The following SGK3 variants were observed in gnomAD, a reference collection of about 807,000 sequenced individuals.
SGK3 encodes the protein serum/glucocorticoid regulated kinase family member 3.
A neutral mutation model predicts 68.5 loss-of-function variants in SGK3; 47 were observed. That is an observed-to-expected ratio of 0.69 (90% CI 0.54 to 0.87). SGK3 has a LOEUF of 0.87. SGK3 is among the 40% of genes least tolerant of loss of function. The pLI, the probability that SGK3 is intolerant of heterozygous loss-of-function variation, is 0.00. For synonymous variants in SGK3, 181 were observed against 189.1 expected, an observed-to-expected ratio of 0.96 and a Z score of 0.35; for missense variants, 479 against 575.5, an observed-to-expected ratio of 0.83 and a Z score of 1.72.
At chr8:66,766,250 T>G (rs1806313863) in intron 1 of SGK3, among the ~76,000 whole-genome samples, 1 of 152,020 alleles carries the variant, frequency 6.6e-6, no homozygotes, top group Non-Finnish European at 1.5e-5. Context: ...TGGCCGGGTG[T>G]GGTGGCTCAC....
At chr8:66,792,369 TC>T (rs1387502084) in intron 1 of SGK3, among the ~76,000 whole-genome samples, 1 of 151,836 alleles carries the variant, frequency 6.6e-6, no homozygotes, top group Admixed American at 6.6e-5. Context: ...TGACTGCATT[TC>T]CAGCAGCAAA....
At chr8:66,784,974 G>C (rs1267372982) in intron 1 of SGK3, among the ~76,000 whole-genome samples, 4 of 152,058 alleles carry the variant, frequency 2.6e-5, no homozygotes, top group African/African-American at 9.7e-5. Context: ...ATCGTGATGG[G>C]GCCAACACTC....
chr8:66,828,590 C>T (rs890437162), intron 6 of SGK3, 64 bp from the exon 7 acceptor site: 2 of 1,602,794 alleles, frequency 1.2e-6, no homozygotes, highest in Admixed American at 1.7e-5. Context: ...TACTTTATTT[C>T]AAAACATTAA....
At chr8:66,772,380 G>A (rs1411591128) in intron 1 of SGK3, among the ~76,000 whole-genome samples, 1 of 147,590 alleles carries the variant, frequency 6.8e-6, no homozygotes, top group Non-Finnish European at 1.5e-5. Context: ...GAGCCACTGT[G>A]CCCAGCAAGA....
chr8:66,726,716 G>A (rs964176887), intron 1 of SGK3, among the ~76,000 whole-genome samples: 3 of 150,016 alleles, frequency 2.0e-5, no homozygotes, highest in African/African-American at 7.4e-5. Context: ...CGGGAGGATC[G>A]CTTGAGCTCA....
rs1010447413 is a variant in SGK3 at position 66,723,229 on chromosome 8, T to C, written c.-122+10396T>C. 2.3e-3 allele frequency among the ~76,000 whole-genome samples: 334 copies of C among 144,120 alleles called. 1 individual carries two copies. Among genetic ancestry groups the C allele is most frequent in the African/African-American group, 8.2e-3 (320 of 39,048 alleles). 94.5% of individuals were successfully genotyped at this position (144,120 alleles called of 152,430 possible). A position where few individuals can be genotyped will look rare whatever the true frequency, so the allele number is the denominator to read the frequency against. Reference sequence around the variant, plus strand: ...GGGAGGCTGAGGCGGGTGGATCACCTGAGGTTGGGAGTTCGAGACCAGCCT... The same window carrying C: ...GGGAGGCTGAGGCGGGTGGATCACCCGAGGTTGGGAGTTCGAGACCAGCCT... On this transcript the variant is annotated intron_variant, in intron 1 of 16. Transcript: ENST00000521198.
At chr8:66,838,791 G>T (rs1181942618) in intron 10 of SGK3, among the ~76,000 whole-genome samples, 1 of 152,120 alleles carries the variant, frequency 6.6e-6, no homozygotes, top group Non-Finnish European at 1.5e-5. Context: ...GAAAGGATAG[G>T]AGTGTGGTTT....
intron 1 of SGK3, among the ~76,000 whole-genome samples, chr8:66,727,369 T>A (rs973760710): frequency 2.0e-5 from 3 of 152,256 alleles, no homozygotes; most frequent in Middle Eastern, 3.4e-3. Context: ...AGTGCTGGGA[T>A]TCTAGGCATG....
chr8:66,771,957 G>GGCA (rs1806523826), intron 1 of SGK3, among the ~76,000 whole-genome samples: 1 of 149,780 alleles, frequency 6.7e-6, no homozygotes, highest in African/African-American at 2.5e-5. Flanking sequence ...CAAAGCATTT[G>GGCA]GTTATCATGA....
At chr8:66,833,910 C>T (rs1422013026) in intron 8 of SGK3, among the ~76,000 whole-genome samples, 3 of 152,022 alleles carry the variant, frequency 2.0e-5, no homozygotes, top group Non-Finnish European at 4.4e-5. Context: ...AGGCTGGTCT[C>T]GAACTCCCGA....
intron 1 of SGK3, among the ~76,000 whole-genome samples, chr8:66,788,334 G>A (rs1224942848): frequency 1.3e-5 from 2 of 152,210 alleles, no homozygotes; most frequent in Non-Finnish European, 2.9e-5. Context: ...TTTTTACATA[G>A]TCTCTTGGTT....
rs1232587215 is a variant in SGK3, at chr8:66,861,994, T to C, written c.*2413T>C. 6.6e-6 allele frequency: 1 copy of C among 152,168 alleles called. No individual in the cohort carries two copies. The highest frequency in any genetic ancestry group is 2.4e-5 in the African/African-American group (1 of 41,454). The allele number at this position is 152,168 out of a possible 1,614,324, so 9.4% of individuals were successfully genotyped here. ...AGATCACAAGAAATACAAATCTATA[T>C]AGTATAATAAAATCAGCAAAAAGAT... is the stretch of plus-strand genomic sequence containing the variant. On this transcript the variant is annotated 3_prime_UTR_variant, in exon 17 of 17. Coordinates refer to ENST00000521198, the MANE Select transcript of SGK3 (RefSeq NM_001033578.3).
Position 66,861,585 on chromosome 8 carries a change from T to C in SGK3, c.*2004T>C, listed in dbSNP as rs994987111. 2 of 152,252 alleles carry C rather than the reference T, an allele frequency of 1.3e-5. No individual in the cohort carries two copies. Among genetic ancestry groups the C allele is most frequent in the Non-Finnish European group, 2.9e-5 (2 of 68,046 alleles). The allele number at this position is 152,252 out of a possible 1,614,324, so 9.4% of individuals were successfully genotyped here. The stretch of plus-strand genomic sequence containing the variant: ...TTTGTAAAAGTTTAATGACCCACTT[T>C]AGATGCTCCAAGAACAAGCATCCCT... On this transcript the variant is annotated 3_prime_UTR_variant, in exon 17 of 17. Coordinates refer to ENST00000521198, the MANE Select transcript of SGK3 (RefSeq NM_001033578.3).
At chr8:66,835,580 C>T (rs951644938) in intron 8 of SGK3, among the ~76,000 whole-genome samples, 183 bp from the exon 9 acceptor site, 4 of 152,020 alleles carry the variant, frequency 2.6e-5, no homozygotes, top group African/African-American at 9.7e-5. Context: ...TCTCAAATAT[C>T]AACACATTAA....
chr8:66,800,258 G>A (rs761955092), intron 3 of SGK3, among the ~76,000 whole-genome samples: 54 of 151,008 alleles, frequency 3.6e-4, no homozygotes, highest in African/African-American at 1.1e-3. Flanking sequence ...GGAGAATGGC[G>A]TGAACCCGGG....
At chr8:66,855,533 C>T (rs917733442) in intron 16 of SGK3, among the ~76,000 whole-genome samples, 1 of 152,050 alleles carries the variant, frequency 6.6e-6, no homozygotes, top group African/African-American at 2.4e-5. Flanking sequence ...TATGTGCTGC[C>T]GAAGTGAGCA....
chr8:66,825,040 G>A (rs529652032), intron 6 of SGK3, among the ~76,000 whole-genome samples: 1 of 152,040 alleles, frequency 6.6e-6, no homozygotes, highest in South Asian at 2.1e-4. Flanking sequence ...TCCATGTTTT[G>A]CTTGCTACTC....
intron 1 of SGK3, among the ~76,000 whole-genome samples, chr8:66,755,157 G>A (rs1389255736): frequency 6.6e-6 from 1 of 151,678 alleles, no homozygotes; most frequent in Non-Finnish European, 1.5e-5. Context: ...TGCTGGGCAG[G>A]CTGAGGCAGG....
intron 1 of SGK3, among the ~76,000 whole-genome samples, chr8:66,754,861 A>G (rs977227767): frequency 6.6e-6 from 1 of 152,248 alleles, no homozygotes; most frequent in East Asian, 1.9e-4. Context: ...TTAACACTTA[A>G]CAGTTACCAA....
Sources: gnomAD v4.1 joint callset for allele counts (sites outside exome capture counted in the v4.1 genomes callset) on GRCh38, gnomAD v4.1.1 for gene constraint, MANE v1.5 for transcripts, NCBI Gene and HGNC (gene_info 2026-07-23, HGNC 2026-07-21) for gene names.